EPB41L4A: variants seen among roughly 807,000 people sequenced by gnomAD.
The protein encoded by EPB41L4A is erythrocyte membrane protein band 4.1 like 4A.
EPB41L4A carries 100 observed loss-of-function variants against 108.6 expected under a neutral mutation model. The observed-to-expected ratio is 0.92, with a 90% confidence interval of 0.78 to 1.09. The LOEUF (loss-of-function observed/expected upper bound fraction) is 1.09. Among genes scored for constraint, EPB41L4A ranks in the 50% least tolerant of loss-of-function variants. The pLI, the probability that EPB41L4A is intolerant of heterozygous loss-of-function variation, is 0.00. For missense variants in EPB41L4A, 1,030 were observed against 842.7 expected, an observed-to-expected ratio of 1.22 and a Z score of -2.75; for synonymous variants, 319 against 289.0, an observed-to-expected ratio of 1.10 and a Z score of -1.05.
intron 12 of EPB41L4A, among the ~76,000 whole-genome samples, chr5:112,215,689 G>T (rs1747578483): frequency 7.0e-6 from 1 of 143,294 alleles, no homozygotes; most frequent in African/African-American, 2.6e-5. Context: ...CGTGATCCCG[G>T]AAGGTGGAGC....
intron 1 of EPB41L4A, among the ~76,000 whole-genome samples, chr5:112,350,075 G>A (rs821750): frequency 0.064 from 9,699 of 152,272 alleles, 860 homozygotes; most frequent in African/African-American, 0.2. Flanking sequence ...TAGAGCAGCC[G>A]CTAGCCACAC....
At chr5:112,201,996 C>A (rs1376320845) in intron 15 of EPB41L4A, among the ~76,000 whole-genome samples, 1 of 152,174 alleles carries the variant, frequency 6.6e-6, no homozygotes, top group African/African-American at 2.4e-5. Context: ...CATCTATAAT[C>A]TACTCTCTAC....
At chr5:112,226,821 C>T (rs1748486220) in intron 12 of EPB41L4A, among the ~76,000 whole-genome samples, 1 of 150,974 alleles carries the variant, frequency 6.6e-6, no homozygotes, top group African/African-American at 2.4e-5. Context: ...CTGGGGAGAG[C>T]AGGAAGGGGT....
intron 19 of EPB41L4A, 142 bp from the exon 20 acceptor site, chr5:112,170,511 A>AACGTGTTCAAGGAAAAATAGGAGGGG (rs1417675450): frequency 1.6e-6 from 1 of 618,824 alleles, no homozygotes; most frequent in East Asian, 2.9e-5. Flanking sequence ...ATAAAAACTA[A>AACGTGTTCAAGGAAAAATAGGAGGGG]ACGTGTTCAA....
At chr5:112,230,687 C>T (rs1374642903) in intron 12 of EPB41L4A, among the ~76,000 whole-genome samples, 3 of 152,180 alleles carry the variant, frequency 2.0e-5, no homozygotes, top group South Asian at 2.1e-4. Flanking sequence ...TGACTGTTTA[C>T]TCTGATCATT....
intron 17 of EPB41L4A, among the ~76,000 whole-genome samples, chr5:112,184,770 A>G (rs1761339728): frequency 2.0e-5 from 3 of 152,222 alleles, no homozygotes; most frequent in African/African-American, 7.2e-5. Flanking sequence ...GAAAAGAGAA[A>G]GGTGGGAAAG....
At chr5:112,328,072 G>T (rs1036007391) in intron 1 of EPB41L4A, among the ~76,000 whole-genome samples, 4 of 152,122 alleles carry the variant, frequency 2.6e-5, no homozygotes, top group Non-Finnish European at 5.9e-5. Context: ...CACTTTGCGA[G>T]GCCAAGGCAG....
At chr5:112,161,005 G>C (rs879474252), downstream of EPB41L4A, 2 of 156,216 alleles carry the variant, frequency 1.3e-5, no homozygotes, top group African/African-American at 4.8e-5. Flanking sequence ...AGTCGACTGC[G>C]GCGGCCTGTG....
In EPB41L4A at chr5:112,221,162, A is replaced by G. The variant is rs534231889; in HGVS notation, c.1088-11180T>C. 3.3e-5 allele frequency among the ~76,000 whole-genome samples: 5 copies of G among 152,332 alleles called. No individual in the cohort carries two copies. In the East Asian group the frequency reaches 9.7e-4, roughly 29 times the overall value. Reference sequence around the variant, plus strand: ...ATACAATCCACCCTAGCAGTTGCATACACGAGCCTGAAATCTACTGCCTTA... The same window carrying G: ...ATACAATCCACCCTAGCAGTTGCATGCACGAGCCTGAAATCTACTGCCTTA... On this transcript the variant is annotated intron_variant, in intron 12 of 22. Coordinates refer to ENST00000261486, the MANE Select transcript of EPB41L4A (RefSeq NM_022140.5).
chr5:112,287,545 T>C (rs1352635770), intron 2 of EPB41L4A, among the ~76,000 whole-genome samples: 1 of 152,234 alleles, frequency 6.6e-6, no homozygotes, highest in African/African-American at 2.4e-5. Flanking sequence ...TCAACACGGA[T>C]CAAATCAGTT....
At chr5:112,350,780 T>G (rs915471971) in intron 1 of EPB41L4A, among the ~76,000 whole-genome samples, 1 of 152,186 alleles carries the variant, frequency 6.6e-6, no homozygotes, top group Admixed American at 6.5e-5. Context: ...GCTCCATCCA[T>G]GATGCTGCAA....
intron 12 of EPB41L4A, among the ~76,000 whole-genome samples, chr5:112,217,224 G>A (rs538699439): frequency 4.6e-5 from 7 of 152,284 alleles, no homozygotes; most frequent in African/African-American, 1.2e-4. Flanking sequence ...AATTACAGGC[G>A]TGAGCCACCG....
At chr5:112,197,386 T>A (rs1762015090) in intron 15 of EPB41L4A, among the ~76,000 whole-genome samples, 1 of 152,168 alleles carries the variant, frequency 6.6e-6, no homozygotes, top group African/African-American at 2.4e-5. Context: ...CACACTTATA[T>A]CAAATAACAT....
Position 112,170,949 on chromosome 5 carries a change from T to A in EPB41L4A, c.1666A>T (p.Ile556Phe), listed in dbSNP as rs1401304963. ...IQAKEELWKH[I>F]QKELVDPSGL... ...AGAAAGAAAACTATTACTCACTGAA[T>A]GTGCTTCCATAACTCTTCTTTTGCT... Residue 556 changes from isoleucine (I) to phenylalanine (F), a missense_variant, in exon 19 of 23, where the codon ATT becomes TTT. Ile to Phe is a conservative substitution (Grantham distance 21). Transcript: ENST00000261486. 6.2e-7 allele frequency: 1 copy of A among 1,613,192 alleles called. No homozygotes were observed. The highest frequency in any genetic ancestry group is 8.5e-7 in the Non-Finnish European group (1 of 1,179,282).
chr5:112,334,428 T>C (rs902845029), intron 1 of EPB41L4A, among the ~76,000 whole-genome samples: 4 of 152,308 alleles, frequency 2.6e-5, no homozygotes, highest in African/African-American at 7.2e-5. Context: ...ATAGGAAATA[T>C]TTGCCATCTA....
intron 1 of EPB41L4A, among the ~76,000 whole-genome samples, chr5:112,327,130 T>C (rs1756220145): frequency 6.6e-6 from 1 of 152,114 alleles, no homozygotes; most frequent in Admixed American, 6.5e-5. Flanking sequence ...AGCCAAGAGC[T>C]AAAACCCAGA....
intron 12 of EPB41L4A, among the ~76,000 whole-genome samples, chr5:112,229,262 A>G (rs1232694229): frequency 1.3e-5 from 2 of 152,166 alleles, no homozygotes; most frequent in African/African-American, 4.8e-5. Flanking sequence ...CAGTGACACT[A>G]TTGTGCTACA....
intron 1 of EPB41L4A, among the ~76,000 whole-genome samples, chr5:112,327,876 T>C (rs1184753657): frequency 6.6e-6 from 1 of 152,210 alleles, no homozygotes; most frequent in Non-Finnish European, 1.5e-5. Context: ...AGTCAAACCA[T>C]TCTTCATGTT....
Position 112,419,165 on chromosome 5 carries a change from C to T in EPB41L4A, c.-126G>A, listed in dbSNP as rs2112861015. The stretch of plus-strand genomic sequence containing the variant: ...TGGCGAGGGTGAGACGAGCAGCTCC[C>T]GGCGGGGTCCGGGGACCGGCCGCCG... On this transcript the variant is annotated 5_prime_UTR_variant, in exon 1 of 23. Coordinates refer to ENST00000261486, the MANE Select transcript of EPB41L4A (RefSeq NM_022140.5). 1.5e-6 allele frequency: 1 copy of T among 663,958 alleles called. No homozygotes were observed. The highest frequency in any genetic ancestry group is 2.6e-6 in the Non-Finnish European group (1 of 391,688). The allele number at this position is 663,958 out of a possible 1,614,324, so 41.1% of individuals were successfully genotyped here.
Sources: gnomAD v4.1 joint callset for allele counts (sites outside exome capture counted in the v4.1 genomes callset) on GRCh38, gnomAD v4.1.1 for gene constraint, MANE v1.5 for transcripts, NCBI Gene and HGNC (gene_info 2026-07-23, HGNC 2026-07-21) for gene names.